ZNF732: variants seen among roughly 807,000 people sequenced by gnomAD.
ZNF732 encodes the protein zinc finger protein LOC654254.
A neutral mutation model predicts 11.5 loss-of-function variants in ZNF732; 12 were observed. The observed-to-expected ratio is 1.05, with a 90% CI of 0.67 to 1.70. The LOEUF (loss-of-function observed/expected upper bound fraction) is 1.70, where lower values mean the gene tolerates loss of function less well. Among genes scored for constraint, ZNF732 ranks in the 40% most tolerant of loss-of-function variants. ZNF732 has a pLI of 0.00. For synonymous variants in ZNF732, 231 were observed against 236.5 expected, an observed-to-expected ratio of 0.98 and a Z score of 0.21; for missense variants, 702 against 676.9, an observed-to-expected ratio of 1.04 and a Z score of -0.41.
chr4:295,657 T>G (rs1719933128), intron 2 of ZNF732, 124 bp from the exon 3 acceptor site: 1 of 863,552 alleles, frequency 1.2e-6, no homozygotes, highest in Admixed American at 3.2e-5. Context: ...AATTGTTTCC[T>G]GGCAGAATCT....
intron 3 of ZNF732, among the ~76,000 whole-genome samples, chr4:289,441 A>T (rs1239085839): frequency 6.6e-6 from 1 of 152,226 alleles, no homozygotes; most frequent in Non-Finnish European, 1.5e-5. Flanking sequence ...CTCCATCTTG[A>T]TTTATGCTTG....
chr4:299,603 AATT>A (rs1356306019), intron 1 of ZNF732, among the ~76,000 whole-genome samples: 9 of 126,872 alleles, frequency 7.1e-5, no homozygotes, highest in African/African-American at 2.7e-4. Flanking sequence ...TATATTTATA[AATT>A]ATTTATATAT....
rs782647760 is a variant in ZNF732, at chr4:297,264, C to CA, written c.4-1110dup. ...CCTGGGCGACAGCGAGACTCCATCT[C>CA]AAAAAAAAAAAAAACAACAAAAAAC... On this transcript the variant is annotated intron_variant, in intron 1 of 3. Coordinates refer to ENST00000419098, the MANE Select transcript of ZNF732 (RefSeq NM_001137608.3). Among the ~76,000 whole-genome samples the CA allele has an allele frequency of 1.0e-2, 1,133 of 113,754 alleles. 13 individuals are homozygous for CA. The highest frequency in any genetic ancestry group is 0.022 in the African/African-American group (678 of 31,102). 74.6% of individuals were successfully genotyped at this position (113,754 alleles called of 152,430 possible).
chr4:299,472 T>TACACATATGTGTATATATATATATAC (rs1560165327), intron 1 of ZNF732, among the ~76,000 whole-genome samples: 3 of 80,948 alleles, frequency 3.7e-5, no homozygotes, highest in Admixed American at 1.4e-4. Context: ...TATATATATA[T>TACACATATGTGTATATATATATATAC]ACACATATAT....
At chr4:298,117 T>C (rs1719998512) in intron 1 of ZNF732, among the ~76,000 whole-genome samples, 1 of 152,230 alleles carries the variant, frequency 6.6e-6, no homozygotes, top group Admixed American at 6.5e-5. Context: ...ATATTTATTC[T>C]TAGCAAGGTA....
At position 275,167 on chromosome 4, in the gene ZNF732, T is replaced by TA. The variant is rs149920783; in HGVS notation, c.227-2538dup. On this transcript the variant is annotated intron_variant, in intron 3 of 3. Transcript: ENST00000419098. ...ACATGTCAGGGCACAAAAAAAGTCT[T>TA]AAAGTTTTAAAATTGAAATTTTACA... Among the ~76,000 whole-genome samples the TA allele has an allele frequency of 1.7e-3, 257 of 151,760 alleles. 1 individual carries two copies. Among genetic ancestry groups the TA allele is most frequent in the African/African-American group, 5.9e-3 (246 of 41,518 alleles).
At chr4:298,822 A>G (rs1720017911) in intron 1 of ZNF732, among the ~76,000 whole-genome samples, 1 of 152,174 alleles carries the variant, frequency 6.6e-6, no homozygotes, top group Admixed American at 6.5e-5. Flanking sequence ...ACGGGGAGGC[A>G]TTGTTGTGAC....
chr4:292,402 A>G (rs1719856674), intron 3 of ZNF732, among the ~76,000 whole-genome samples: 1 of 152,050 alleles, frequency 6.6e-6, no homozygotes. Flanking sequence ...TATTAAAAAT[A>G]CAAAATTAGC....
intron 3 of ZNF732, among the ~76,000 whole-genome samples, chr4:293,470 G>T (rs1719887405): frequency 6.6e-6 from 1 of 151,880 alleles, no homozygotes. Context: ...CTTAGACAGG[G>T]AATCTAAAAA....
Position 270,918 on chromosome 4 carries a change from A to G in ZNF732, c.*181T>C. 1.3e-6 allele frequency: 1 copy of G among 754,360 alleles called. No homozygotes were observed. The highest frequency in any genetic ancestry group is 2.4e-6 in the Non-Finnish European group (1 of 425,074). 46.7% of individuals were successfully genotyped at this position (754,360 alleles called of 1,614,324 possible). A position where few individuals can be genotyped will look rare whatever the true frequency, so the allele number is the denominator to read the frequency against. On this transcript the variant is annotated 3_prime_UTR_variant, in exon 4 of 4. Coordinates refer to ENST00000419098, the MANE Select transcript of ZNF732 (RefSeq NM_001137608.3). ...ATGCGGACTGTTTGAAGGCTTTCCCACATTCTTTACATTTGTAGGGTTTTT... is the reference window on the plus strand; with the variant it reads ...ATGCGGACTGTTTGAAGGCTTTCCCGCATTCTTTACATTTGTAGGGTTTTT...
At chr4:272,824 T>C (rs1719418007) in intron 3 of ZNF732, among the ~76,000 whole-genome samples, 194 bp from the exon 4 acceptor site, 1 of 152,088 alleles carries the variant, frequency 6.6e-6, no homozygotes, top group Admixed American at 6.6e-5. Context: ...AATTTATAAA[T>C]GAGTTACATG....
intron 3 of ZNF732, among the ~76,000 whole-genome samples, chr4:281,982 T>C (rs189801921): frequency 5.9e-4 from 90 of 152,134 alleles, no homozygotes; most frequent in Admixed American, 1.6e-3. Flanking sequence ...AAACCAATGA[T>C]AATAAAGAAA....
chr4:295,965 A>G (rs1160660809), intron 2 of ZNF732, 64 bp downstream of exon 2: 1 of 1,561,790 alleles, frequency 6.4e-7, no homozygotes, highest in Non-Finnish European at 8.6e-7. Context: ...GAGACATTCT[A>G]CAAAAATAGA....
intron 3 of ZNF732, among the ~76,000 whole-genome samples, chr4:277,167 G>A (rs1468026470): frequency 2.6e-5 from 4 of 151,932 alleles, no homozygotes; most frequent in East Asian, 1.9e-4. Context: ...AGATTTAAAT[G>A]GGAAACTCAA....
intron 1 of ZNF732, among the ~76,000 whole-genome samples, chr4:297,888 G>C (rs1553842668): frequency 1.3e-5 from 2 of 152,176 alleles, no homozygotes; most frequent in African/African-American, 4.8e-5. Context: ...GGTGGATCTG[G>C]GCAGGGTTAG....
chr4:297,622 A>C (rs1719980794), intron 1 of ZNF732, among the ~76,000 whole-genome samples: 2 of 151,638 alleles, frequency 1.3e-5, no homozygotes, highest in South Asian at 2.1e-4. Flanking sequence ...AAAAAAAAAA[A>C]AAAAAAAAAA....
At chr4:296,513 A>G (rs192027053) in intron 1 of ZNF732, among the ~76,000 whole-genome samples, 71 of 152,292 alleles carry the variant, frequency 4.7e-4, no homozygotes, top group African/African-American at 1.5e-3. Flanking sequence ...TTTAAAAATC[A>G]GAAATGTTTC....
intron 1 of ZNF732, among the ~76,000 whole-genome samples, chr4:302,742 A>G (rs146545043): frequency 6.6e-5 from 10 of 152,384 alleles, no homozygotes; most frequent in African/African-American, 2.4e-4. Flanking sequence ...ATTTTAAAGA[A>G]GCAGAGAAAA....
chr4:272,191 G>A lies in ZNF732; in HGVS notation c.666C>T (p.Pro222=). 1 of 1,613,094 alleles carries A rather than the reference G, an allele frequency of 6.2e-7. No individual in the cohort carries two copies. Among genetic ancestry groups the A allele is most frequent in the East Asian group, 2.2e-5 (1 of 44,814 alleles). The part of the protein sequence containing the change: ...EYEIIHTGEK[P]FTCEECGNIF... ...TGTTGCCACATTCTTCACATGTGAA[G>A]GGTTTCTCTCCAGTATGAATTATCT... The change falls in exon 4 of 4, where the codon CCC becomes CCT. Residue 222 remains proline, a synonymous_variant. Coordinates refer to ENST00000419098, the MANE Select transcript of ZNF732 (RefSeq NM_001137608.3).
Sources: gnomAD v4.1 joint callset for allele counts (sites outside exome capture counted in the v4.1 genomes callset) on GRCh38, gnomAD v4.1.1 for gene constraint, MANE v1.5 for transcripts, NCBI Gene and HGNC (gene_info 2026-07-23, HGNC 2026-07-21) for gene names.